Variants in TET2 observed in about 807,000 individuals in gnomAD.
TET2 encodes the protein methylcytosine dioxygenase TET2.
Under a neutral mutation model 142.9 loss-of-function variants are expected in TET2, and 299 were observed. The ratio of observed to expected loss-of-function variants is 2.09; its 90% CI spans 1.90 to 2.30. The LOEUF is 2.30. Ranked by LOEUF, TET2 falls within the 30% of genes most tolerant of loss-of-function variation. The pLI, the probability that TET2 is intolerant of heterozygous loss-of-function variation, is 0.00. For synonymous variants in TET2, 819 were observed against 849.0 expected (o/e 0.96, Z 0.61); for missense variants, 2,418 against 2,378.0 (o/e 1.02, Z -0.35).
intron 2 of TET2, chr4:105,202,424 C>T (rs1005535761): frequency 3.3e-5 from 5 of 152,244 alleles, no homozygotes; most frequent in Non-Finnish European, 2.9e-5. Context: ...GCTGGGTTCA[C>T]GCTTCAGGTC....
chr4:105,216,905 G>C (rs1171745706), intron 2 of TET2, among the ~76,000 whole-genome samples: 1 of 152,040 alleles, frequency 6.6e-6, no homozygotes, highest in Non-Finnish European at 1.5e-5. Context: ...CCTAGGTAAT[G>C]TTAAGGTTAT....
At chr4:105,238,001 G>C in intron 3 of TET2, 1 of 869,104 alleles carries the variant, frequency 1.2e-6, no homozygotes, top group Non-Finnish European at 1.4e-6. Flanking sequence ...GAGATATTGT[G>C]GGTTTGGCTC....
chr4:105,243,901 G>A lies in TET2; in HGVS notation c.3803+123G>A. The A allele has an allele frequency of 3.7e-6, 3 of 801,430 alleles. No homozygotes were observed. In the South Asian group the frequency reaches 5.1e-5, roughly 14 times the overall value. The allele number at this position is 801,430 out of a possible 1,614,324, so 49.6% of individuals were successfully genotyped here. Reference sequence around the variant, plus strand: ...TTATAAAATGGGCATCAAAATGCCTGTTTGGCAGTCATGCGATAAGAAGTT... The same window carrying A: ...TTATAAAATGGGCATCAAAATGCCTATTTGGCAGTCATGCGATAAGAAGTT... On this transcript the variant is annotated intron_variant, in intron 6 of 10. Transcript: ENST00000380013.
At chr4:105,232,796 A>G (rs1230223517) in intron 2 of TET2, among the ~76,000 whole-genome samples, 2 of 152,220 alleles carry the variant, frequency 1.3e-5, no homozygotes, top group Non-Finnish European at 2.9e-5. Flanking sequence ...TTGGGCAGCC[A>G]GCCCCTCTAG....
chr4:105,220,008 T>C (rs1727721782), intron 2 of TET2, among the ~76,000 whole-genome samples: 1 of 152,280 alleles, frequency 6.6e-6, no homozygotes, highest in Admixed American at 6.5e-5. Context: ...GGAGTATTTA[T>C]CTCTTTTGTT....
intron 2 of TET2, among the ~76,000 whole-genome samples, chr4:105,219,679 T>C (rs2110578077): frequency 6.6e-6 from 1 of 152,250 alleles, no homozygotes; most frequent in South Asian, 2.1e-4. Flanking sequence ...TTCTTGATTT[T>C]AGGGCTGAAG....
At chr4:105,215,311 G>A (rs1015840196) in intron 2 of TET2, among the ~76,000 whole-genome samples, 12 of 151,946 alleles carry the variant, frequency 7.9e-5, no homozygotes, top group African/African-American at 2.9e-4. Context: ...AAACTAAAAA[G>A]AATAGGTTAT....
chr4:105,266,206 T>C (rs1368077796), intron 8 of TET2, among the ~76,000 whole-genome samples: 2 of 152,148 alleles, frequency 1.3e-5, no homozygotes, highest in African/African-American at 4.8e-5. Flanking sequence ...GGAGAAGACT[T>C]CATAATACTA....
intron 2 of TET2, among the ~76,000 whole-genome samples, chr4:105,227,332 T>C (rs912391052): frequency 4.6e-5 from 7 of 152,150 alleles, no homozygotes; most frequent in Non-Finnish European, 8.8e-5. Context: ...AAAAAGGCCT[T>C]AATTTTGATT....
intron 6 of TET2, among the ~76,000 whole-genome samples, chr4:105,249,366 C>T (rs530179564): frequency 6.6e-6 from 1 of 152,124 alleles, no homozygotes; most frequent in Non-Finnish European, 1.5e-5. Flanking sequence ...ACATTTGGAT[C>T]GTTTCTACTT....
At chr4:105,199,906 GTA>G (rs1290182105) in intron 2 of TET2, among the ~76,000 whole-genome samples, 5 of 151,816 alleles carry the variant, frequency 3.3e-5, no homozygotes, top group African/African-American at 1.2e-4. Flanking sequence ...ATTCCATGGT[GTA>G]TATATAACAC....
chr4:105,217,156 T>A (rs973394642), intron 2 of TET2, among the ~76,000 whole-genome samples: 2 of 152,010 alleles, frequency 1.3e-5, no homozygotes, highest in African/African-American at 4.8e-5. Context: ...GACCTTTCTC[T>A]TCATTTCAAA....
chr4:105,182,453 G>A (rs1725175177), intron 1 of TET2, among the ~76,000 whole-genome samples: 1 of 152,110 alleles, frequency 6.6e-6, no homozygotes, highest in Non-Finnish European at 1.5e-5. Flanking sequence ...ACTCCTGTGT[G>A]GTAAGGGAGA....
At chr4:105,217,273 A>G (rs1727553125) in intron 2 of TET2, among the ~76,000 whole-genome samples, 1 of 152,052 alleles carries the variant, frequency 6.6e-6, no homozygotes, top group African/African-American at 2.4e-5. Flanking sequence ...ACAGCAATAT[A>G]ACTGGAAGAA....
chr4:105,247,064 A>G (rs1729617310), intron 6 of TET2, among the ~76,000 whole-genome samples: 1 of 152,212 alleles, frequency 6.6e-6, no homozygotes, highest in Admixed American at 6.5e-5. Context: ...AAACATTTCA[A>G]GGAACTTTAT....
intron 2 of TET2, among the ~76,000 whole-genome samples, chr4:105,193,589 G>A (rs1194667442): frequency 6.6e-6 from 1 of 152,064 alleles, no homozygotes; most frequent in Non-Finnish European, 1.5e-5. Flanking sequence ...AGAGAGAAGG[G>A]AAGATAGATT....
chr4:105,154,077 G>T (rs1314516127), intron 1 of TET2, among the ~76,000 whole-genome samples: 1 of 152,172 alleles, frequency 6.6e-6, no homozygotes, highest in East Asian at 1.9e-4. Context: ...GTAACGTCCA[G>T]AATAGGCAAA....
chr4:105,234,431 C>G lies in TET2; in HGVS notation c.489C>G (p.Phe163Leu). The change falls in exon 3 of 11, where the codon TTC becomes TTG. Residue 163 changes from phenylalanine to leucine, a missense_variant. Coordinates refer to ENST00000380013, the MANE Select transcript of TET2 (RefSeq NM_001127208.3). Reference sequence around the variant, plus strand: ...CCCAAGAAAATGCAGTTAAAGATTTCACCAGTTTTTCAACACATAACTGCA... The same window carrying G: ...CCCAAGAAAATGCAGTTAAAGATTTGACCAGTTTTTCAACACATAACTGCA... ...SVAQENAVKDFTSFSTHNCSG... is the reference protein window; with the variant it reads ...SVAQENAVKDLTSFSTHNCSG... 6.2e-7 allele frequency: 1 copy of G among 1,613,948 alleles called. No individual in the cohort carries two copies. The highest frequency in any genetic ancestry group is 8.5e-7 in the Non-Finnish European group (1 of 1,179,976).
chr4:105,174,347 G>A (rs905626109), intron 1 of TET2, among the ~76,000 whole-genome samples: 19 of 151,996 alleles, frequency 1.3e-4, no homozygotes, highest in African/African-American at 3.6e-4. Context: ...ATAGAAGATC[G>A]ATATTTTTCT....
Sources: allele counts gnomAD v4.1 joint callset (sites outside exome capture counted in the v4.1 genomes callset), GRCh38; gene constraint gnomAD v4.1.1; transcripts MANE v1.5; gene names NCBI Gene and HGNC (gene_info 2026-07-23, HGNC 2026-07-21).